The following UBAC1 variants were observed in gnomAD, a reference collection of about 807,000 sequenced individuals.
UBAC1 encodes the protein UBA domain containing 1, also known as ubiquitin-associated domain-containing protein 1.
Under a neutral mutation model 45.9 loss-of-function variants are expected in UBAC1, and 27 were observed. The ratio of observed to expected loss-of-function variants is 0.59; its 90% CI spans 0.43 to 0.81. UBAC1 has a LOEUF of 0.81. UBAC1 is among the 30% of genes least tolerant of loss of function. UBAC1 has a pLI of 0.00. For synonymous variants in UBAC1, 227 were observed against 215.5 expected, an observed-to-expected ratio of 1.05 and a Z score of -0.47; for missense variants, 529 against 539.2, an observed-to-expected ratio of 0.98 and a Z score of 0.19.
chr9:135,946,129 G>A (rs537442720), intron 5 of UBAC1, 132 bp from the exon 6 acceptor site: 86 of 1,031,640 alleles, frequency 8.3e-5, no homozygotes, highest in African/African-American at 2.8e-4. Context: ...AGGAGTTGCC[G>A]GTGAGGCAGG....
chr9:135,950,220 G>A (rs1285060437), intron 3 of UBAC1, among the ~76,000 whole-genome samples: 4 of 152,194 alleles, frequency 2.6e-5, no homozygotes, highest in Admixed American at 2.0e-4. Context: ...ACAGAACTGC[G>A]AGCTACAAGC....
intron 3 of UBAC1, among the ~76,000 whole-genome samples, chr9:135,949,682 C>T (rs142902317): frequency 7.9e-5 from 12 of 152,188 alleles, no homozygotes; most frequent in Admixed American, 5.9e-4. Context: ...AGGGACAGAT[C>T]GAGAAGAACA....
At chr9:135,933,612 G>A in intron 9 of UBAC1, 97 bp from the exon 10 acceptor site, 2 of 861,748 alleles carry the variant, frequency 2.3e-6, no homozygotes, top group Admixed American at 1.9e-5. Flanking sequence ...TAATGAAGAG[G>A]GTGCGTCTCC....
At chr9:135,935,491 A>C (rs562176774) in intron 9 of UBAC1, among the ~76,000 whole-genome samples, 16 of 152,262 alleles carry the variant, frequency 1.1e-4, no homozygotes, top group South Asian at 2.1e-4. Flanking sequence ...ACAACAACAA[A>C]AAAAATAGCT....
At chr9:135,937,440 CAAAAAAAAA>C (rs57527185) in intron 9 of UBAC1, among the ~76,000 whole-genome samples, 3 of 99,878 alleles carry the variant, frequency 3.0e-5, no homozygotes, top group Non-Finnish European at 5.6e-5. Context: ...GACTCTGTCT[CAAAAAAAAA>C]AAAAAAAAAA....
At position 135,957,999 on chromosome 9, in the gene UBAC1, T is replaced by A. The variant is rs1226351400; in HGVS notation, c.139-2584A>T. Among the ~76,000 whole-genome samples the A allele has an allele frequency of 2.0e-5, 3 of 151,246 alleles. No homozygotes were observed. The East Asian group carries it at 5.8e-4, about 29-fold the overall frequency. On this transcript the variant is annotated intron_variant, in intron 1 of 9. Coordinates refer to ENST00000371756, the MANE Select transcript of UBAC1 (RefSeq NM_016172.3). ...CCATGTTGGCCAGGCTGGAATTTCATGAATGTTTACGACACACCAAAAACT... is the reference window on the plus strand; with the variant it reads ...CCATGTTGGCCAGGCTGGAATTTCAAGAATGTTTACGACACACCAAAAACT...
At chr9:135,948,343 G>A (rs985749433) in intron 3 of UBAC1, among the ~76,000 whole-genome samples, 1 of 152,268 alleles carries the variant, frequency 6.6e-6, no homozygotes, top group African/African-American at 2.4e-5. Flanking sequence ...GATGGGAGAG[G>A]AACAGAACCG....
At chr9:135,950,436 G>A (rs958568370) in intron 3 of UBAC1, among the ~76,000 whole-genome samples, 37 of 152,200 alleles carry the variant, frequency 2.4e-4, no homozygotes, top group Admixed American at 2.2e-3. Flanking sequence ...CTGTGACCAC[G>A]TTTCCAGAAG....
chr9:135,939,890 G>A (rs1183959569), intron 7 of UBAC1, 131 bp from the exon 8 acceptor site: 11 of 704,582 alleles, frequency 1.6e-5, no homozygotes, highest in South Asian at 3.6e-5. Flanking sequence ...GACGCTGTCC[G>A]TCCACGTTCT....
chr9:135,945,266 C>G lies in UBAC1; in HGVS notation c.654-16G>C. The G allele has an allele frequency of 6.4e-7, 1 of 1,557,792 alleles. No individual in the cohort carries two copies. Among genetic ancestry groups the G allele is most frequent in the Non-Finnish European group, 8.7e-7 (1 of 1,151,728 alleles). Reference sequence around the variant, plus strand: ...CACCGACATGCTGCAAGGCAAGAGACTCTTTCCAACATCCCCAGACTAACG... The same window carrying G: ...CACCGACATGCTGCAAGGCAAGAGAGTCTTTCCAACATCCCCAGACTAACG... On this transcript the variant is annotated splice_polypyrimidine_tract_variant and intron_variant, in intron 6 of 9. Coordinates refer to ENST00000371756, the MANE Select transcript of UBAC1 (RefSeq NM_016172.3).
At chr9:135,933,559 C>T (rs369937474) in intron 9 of UBAC1, 44 bp from the exon 10 acceptor site, 9 of 1,453,228 alleles carry the variant, frequency 6.2e-6, no homozygotes, top group African/African-American at 1.4e-5. Context: ...CGCCCCCACT[C>T]AGCCCACAGG....
rs755700495 is a variant in UBAC1 at position 135,945,163 on chromosome 9, T to C, written c.741A>G (p.Pro247=). The C allele has an allele frequency of 6.2e-7, 1 of 1,613,524 alleles. No individual in the cohort carries two copies. Among genetic ancestry groups the C allele is most frequent in the South Asian group, 1.1e-5 (1 of 90,934 alleles). ...CAGCTGCTGTGGCCCCCTCGGCCTC[T>C]GGGGGAGCTTGGCCAGGAAGAGGCG... ...IDTPLPGQAP[P]EAEGATAAAS... The change falls in exon 7 of 10, where the codon CCA becomes CCG. Residue 247 remains proline, a synonymous_variant. Coordinates refer to ENST00000371756, the MANE Select transcript of UBAC1 (RefSeq NM_016172.3).
At chr9:135,957,608 C>T (rs1000333107) in intron 1 of UBAC1, among the ~76,000 whole-genome samples, 6 of 151,806 alleles carry the variant, frequency 4.0e-5, no homozygotes, top group African/African-American at 1.5e-4. Context: ...ACCCCCACCC[C>T]ACTCCATCCT....
At chr9:135,940,798 G>T (rs543272497) in intron 7 of UBAC1, among the ~76,000 whole-genome samples, 1 of 152,048 alleles carries the variant, frequency 6.6e-6, no homozygotes, top group Non-Finnish European at 1.5e-5. Context: ...TAAGATGAAG[G>T]CTTCATCAAA....
chr9:135,933,254 G>C lies in UBAC1; in HGVS notation c.*146C>G. The C allele has an allele frequency of 1.6e-6, 1 of 641,332 alleles. No individual in the cohort carries two copies. The highest frequency in any genetic ancestry group is 2.7e-5 in the East Asian group (1 of 37,438). The allele number at this position is 641,332 out of a possible 1,614,324, so 39.7% of individuals were successfully genotyped here. ...CGTCACCAAAGTTTATAAGCAATAA[G>C]ATCAGAGAGCAGGAGCAGCTGCAGC... On this transcript the variant is annotated 3_prime_UTR_variant, in exon 10 of 10. Transcript: ENST00000371756.
chr9:135,943,186 G>A (rs923718650), intron 7 of UBAC1, among the ~76,000 whole-genome samples: 3 of 152,170 alleles, frequency 2.0e-5, no homozygotes, highest in African/African-American at 2.4e-5. Flanking sequence ...TTGGGAGGCC[G>A]AGGCGGGCAG....
intron 7 of UBAC1, among the ~76,000 whole-genome samples, chr9:135,940,074 C>G (rs1178222867): frequency 1.3e-5 from 2 of 152,166 alleles, no homozygotes; most frequent in Non-Finnish European, 2.9e-5. Context: ...ACGAGGCAGT[C>G]AGGCCAACTT....
intron 7 of UBAC1, among the ~76,000 whole-genome samples, chr9:135,940,597 A>T (rs1839258866): frequency 6.6e-6 from 1 of 151,718 alleles, no homozygotes; most frequent in Admixed American, 6.6e-5. Context: ...AAAAAAAAAA[A>T]TCCTAAAACT....
In UBAC1 at chr9:135,933,438, G is replaced by A; in HGVS notation, c.1180C>T (p.Gln394Ter). The A allele has an allele frequency of 6.2e-7, 1 of 1,614,152 alleles. No homozygotes were observed. Among genetic ancestry groups the A allele is most frequent in the Non-Finnish European group, 8.5e-7 (1 of 1,180,018 alleles). Residue 394 changes from glutamine to a stop codon, truncating the protein, a stop_gained, in exon 10 of 10, where the codon CAG becomes TAG. Coordinates refer to ENST00000371756, the MANE Select transcript of UBAC1 (RefSeq NM_016172.3). LOFTEE classifies it high-confidence loss of function. Reference protein sequence around the residue: ...NDPETGPVMLQISRIFQTLNR... With the variant: ...NDPETGPVML ...AGTGTCTGGAAGATTCTAGAGATCT[G>A]CAGCATGACAGGCCCCGTTTCTGGA...
Sources: allele counts gnomAD v4.1 joint callset (sites outside exome capture counted in the v4.1 genomes callset), GRCh38; gene constraint gnomAD v4.1.1; transcripts MANE v1.5; gene names NCBI Gene and HGNC (gene_info 2026-07-23, HGNC 2026-07-21).